CTTNBP2: variants seen among roughly 807,000 people sequenced by gnomAD.
CTTNBP2 encodes the protein cortactin-binding protein 2.
In CTTNBP2, 108 loss-of-function variants were observed where a neutral mutation model predicts 156.9. That is an observed-to-expected ratio of 0.69 (90% CI 0.59 to 0.81). The LOEUF is 0.81. CTTNBP2 is among the 30% of genes least tolerant of loss of function. CTTNBP2 has a pLI of 0.00. For synonymous variants in CTTNBP2, 767 were observed against 751.8 expected, an observed-to-expected ratio of 1.02 and a Z score of -0.33; for missense variants, 1,924 against 2,035.4, an observed-to-expected ratio of 0.95 and a Z score of 1.05.
At chr7:117,738,846 G>C (rs1795844935) in intron 14 of CTTNBP2, among the ~76,000 whole-genome samples, 1 of 152,184 alleles carries the variant, frequency 6.6e-6, no homozygotes, top group South Asian at 2.1e-4. Flanking sequence ...CTCTTGGAAA[G>C]AGGCAATATG....
intron 12 of CTTNBP2, among the ~76,000 whole-genome samples, chr7:117,755,975 C>T (rs2116620910): frequency 6.6e-6 from 1 of 152,298 alleles, no homozygotes; most frequent in South Asian, 2.1e-4. Flanking sequence ...GACCAAGCAA[C>T]ACAAACAACA....
At chr7:117,722,233 G>T (rs1317733113) in intron 19 of CTTNBP2, among the ~76,000 whole-genome samples, 1 of 149,464 alleles carries the variant, frequency 6.7e-6, no homozygotes, top group East Asian at 1.9e-4. Flanking sequence ...ATAGTGATCT[G>T]CATGCAAAAG....
chr7:117,842,950 T>C (rs983295021), intron 2 of CTTNBP2, among the ~76,000 whole-genome samples: 1 of 152,036 alleles, frequency 6.6e-6, no homozygotes, highest in Non-Finnish European at 1.5e-5. Context: ...AAACAAACAA[T>C]AAACATGTAA....
At chr7:117,834,233 T>C (rs1801793174) in intron 2 of CTTNBP2, among the ~76,000 whole-genome samples, 1 of 152,130 alleles carries the variant, frequency 6.6e-6, no homozygotes, top group African/African-American at 2.4e-5. Flanking sequence ...TTTTGTATTT[T>C]TAGTAGAGAC....
intron 2 of CTTNBP2, among the ~76,000 whole-genome samples, 159 bp from the exon 3 acceptor site, chr7:117,811,148 C>T (rs1800252671): frequency 6.6e-6 from 1 of 152,160 alleles, no homozygotes; most frequent in Non-Finnish European, 1.5e-5. Context: ...ATGTGACCCC[C>T]AGTCTCCACT....
At chr7:117,854,989 T>C (rs1803197330) in intron 2 of CTTNBP2, among the ~76,000 whole-genome samples, 1 of 152,140 alleles carries the variant, frequency 6.6e-6, no homozygotes, top group Admixed American at 6.5e-5. Flanking sequence ...TTCACCATGT[T>C]GGCCAGGCTG....
Position 117,711,664 on chromosome 7 carries a change from T to C in CTTNBP2, c.4865A>G (p.Gln1622Arg). ...FLPVPRSKVTQCSQNTKRSSS... is the reference protein window; with the variant it reads ...FLPVPRSKVTRCSQNTKRSSS... ...GCTTCTTTTGGTGTTCTGGGAACAC[T>C]GGGTGACTTTACTTCTAGGAACAGG... The change falls in exon 23 of 23, where the codon CAG becomes CGG. Residue 1622 changes from glutamine (Q) to arginine (R), a missense_variant. Gln to Arg is a conservative substitution (Grantham distance 43). Transcript: ENST00000160373. 1.9e-6 allele frequency: 3 copies of C among 1,614,120 alleles called. No homozygotes were observed. The highest frequency in any genetic ancestry group is 2.5e-6 in the Non-Finnish European group (3 of 1,179,984).
intron 14 of CTTNBP2, among the ~76,000 whole-genome samples, chr7:117,736,643 C>G (rs1393000606): frequency 6.6e-6 from 1 of 151,956 alleles, no homozygotes; most frequent in Non-Finnish European, 1.5e-5. Flanking sequence ...AAAATGAAAG[C>G]TGGAAAAGTA....
chr7:117,865,533 A>G (rs561616313), intron 1 of CTTNBP2, among the ~76,000 whole-genome samples: 2 of 151,388 alleles, frequency 1.3e-5, no homozygotes, highest in African/African-American at 4.8e-5. Context: ...AAAATTAGCC[A>G]GGCATGGTGG....
chr7:117,858,087 T>A (rs941699263), intron 2 of CTTNBP2, among the ~76,000 whole-genome samples: 1 of 152,160 alleles, frequency 6.6e-6, no homozygotes, highest in Non-Finnish European at 1.5e-5. Context: ...GGAATCTCCA[T>A]AGGTCGGGCG....
chr7:117,737,947 A>T (rs1196558269), intron 14 of CTTNBP2, among the ~76,000 whole-genome samples: 2 of 152,220 alleles, frequency 1.3e-5, no homozygotes, highest in African/African-American at 4.8e-5. Flanking sequence ...CAATTCTAGA[A>T]GGGAATACGG....
Position 117,725,135 on chromosome 7 carries a change from T to G in CTTNBP2, c.4178A>C (p.Gln1393Pro), listed in dbSNP as rs745930284. ...AGCTTTGACCACAGCCTGCTGTCCT[T>G]GGCTAGGGTGTCTTTTAGCAGTTGT... ...GQTTAKRHPS[Q>P]GQQAVVKAAL... Residue 1393 changes from glutamine to proline, a missense_variant, in exon 18 of 23, where the codon CAA becomes CCA. Gln to Pro is a moderately conservative substitution (Grantham distance 76). Transcript: ENST00000160373. 5.5e-5 allele frequency: 88 copies of G among 1,613,408 alleles called. No individual in the cohort carries two copies. The highest frequency in any genetic ancestry group is 7.2e-5 in the Non-Finnish European group (85 of 1,180,022).
intron 14 of CTTNBP2, among the ~76,000 whole-genome samples, chr7:117,743,239 C>T (rs181081986): frequency 4.6e-5 from 7 of 152,308 alleles, no homozygotes; most frequent in Admixed American, 4.6e-4. Context: ...TCTATAATTG[C>T]TATCTACCCC....
At chr7:117,738,949 G>A (rs1025911375) in intron 14 of CTTNBP2, among the ~76,000 whole-genome samples, 5 of 152,254 alleles carry the variant, frequency 3.3e-5, no homozygotes, top group Middle Eastern at 3.4e-3. Context: ...GACAAAAAGG[G>A]GGAAGGGCTG....
chr7:117,837,961 C>T (rs1293653081), intron 2 of CTTNBP2, among the ~76,000 whole-genome samples: 1 of 152,170 alleles, frequency 6.6e-6, no homozygotes, highest in Non-Finnish European at 1.5e-5. Flanking sequence ...TTACCCTATC[C>T]CTTACACTAG....
At chr7:117,821,588 A>AAT (rs1391709286) in intron 2 of CTTNBP2, among the ~76,000 whole-genome samples, 8 of 134,698 alleles carry the variant, frequency 5.9e-5, no homozygotes, top group African/African-American at 2.2e-4. Flanking sequence ...TCTGTTTAGG[A>AAT]TTTTTTTTTT....
intron 4 of CTTNBP2, among the ~76,000 whole-genome samples, chr7:117,789,635 C>T (rs1012599310): frequency 4.6e-5 from 7 of 152,118 alleles, no homozygotes; most frequent in African/African-American, 1.7e-4. Flanking sequence ...CAAAATAATA[C>T]TAAAGTCAAT....
At chr7:117,857,588 T>G (rs1349133512) in intron 2 of CTTNBP2, among the ~76,000 whole-genome samples, 1 of 152,202 alleles carries the variant, frequency 6.6e-6, no homozygotes, top group African/African-American at 2.4e-5. Context: ...AACAAAATCA[T>G]TTCTAAATTT....
chr7:117,740,904 A>G (rs896081193), intron 14 of CTTNBP2, among the ~76,000 whole-genome samples: 8 of 152,166 alleles, frequency 5.3e-5, no homozygotes, highest in Non-Finnish European at 1.2e-4. Context: ...AGCCCACAGC[A>G]TGGGTCCTAC....
Sources: gnomAD v4.1 joint callset for allele counts (sites outside exome capture counted in the v4.1 genomes callset) on GRCh38, gnomAD v4.1.1 for gene constraint, MANE v1.5 for transcripts, NCBI Gene and HGNC (gene_info 2026-07-23, HGNC 2026-07-21) for gene names.